Variants in PDE4B observed in about 807,000 individuals in gnomAD.
PDE4B encodes 3',5'-cyclic-AMP phosphodiesterase 4B.
PDE4B carries 20 observed loss-of-function variants against 82.2 expected under a neutral mutation model. That is an observed-to-expected ratio of 0.24 (90% CI 0.17 to 0.35). PDE4B has a LOEUF of 0.35. Among genes scored for constraint, PDE4B ranks in the 10% least tolerant of loss-of-function variants. The pLI, the probability that PDE4B is intolerant of heterozygous loss-of-function variation, is 1.00. For missense variants in PDE4B, 655 were observed against 907.2 expected, an observed-to-expected ratio of 0.72 and a Z score of 3.57; for synonymous variants, 320 against 318.9, an observed-to-expected ratio of 1.00 and a Z score of -0.04.
At chr1:65,999,441 G>C (rs1438871057) in intron 3 of PDE4B, among the ~76,000 whole-genome samples, 1 of 152,152 alleles carries the variant, frequency 6.6e-6, no homozygotes, top group Non-Finnish European at 1.5e-5. Context: ...AACTAAGCCT[G>C]TATTCACTTC....
At chr1:65,868,644 A>G (rs1646538732) in intron 1 of PDE4B, among the ~76,000 whole-genome samples, 1 of 152,194 alleles carries the variant, frequency 6.6e-6, no homozygotes, top group African/African-American at 2.4e-5. Flanking sequence ...AAGGGACTGT[A>G]TAGCAGGGGG....
intron 3 of PDE4B, among the ~76,000 whole-genome samples, chr1:65,989,233 G>T (rs1439619764): frequency 6.6e-6 from 1 of 152,134 alleles, no homozygotes; most frequent in Non-Finnish European, 1.5e-5. Flanking sequence ...GGGCACGGTG[G>T]CTTGCACCTG....
At chr1:66,009,743 A>G in intron 3 of PDE4B, among the ~76,000 whole-genome samples, 1 of 152,040 alleles carries the variant, frequency 6.6e-6, no homozygotes, top group East Asian at 1.9e-4. Flanking sequence ...ATCTAATTGG[A>G]GAAGACTTTT....
At chr1:65,961,001 A>C (rs1440738248) in intron 3 of PDE4B, among the ~76,000 whole-genome samples, 1 of 152,174 alleles carries the variant, frequency 6.6e-6, no homozygotes, top group African/African-American at 2.4e-5. Flanking sequence ...TAAAAAAATT[A>C]TTAGGGACCT....
chr1:65,876,166 C>T (rs1427551230), intron 1 of PDE4B, among the ~76,000 whole-genome samples: 1 of 152,008 alleles, frequency 6.6e-6, no homozygotes, highest in Non-Finnish European at 1.5e-5. Flanking sequence ...GCCTGAATCA[C>T]TTAATAATTA....
chr1:66,126,057 C>T (rs1015705646), intron 3 of PDE4B, among the ~76,000 whole-genome samples: 4 of 152,154 alleles, frequency 2.6e-5, no homozygotes, highest in South Asian at 4.1e-4. Context: ...CCACCCACCT[C>T]GGCCTCCCAA....
chr1:66,368,851 G>A lies in PDE4B; in HGVS notation c.1727G>A (p.Arg576Gln), dbSNP rs758612335. 35 of 1,612,962 alleles carry A rather than the reference G, an allele frequency of 2.2e-5. No homozygotes were observed. The highest frequency in any genetic ancestry group is 4.5e-5 in the East Asian group (2 of 44,860). The change falls in exon 16 of 17, where the codon CGG becomes CAG. Residue 576 changes from arginine to glutamine, a missense_variant. Arg to Gln is a conservative substitution (Grantham distance 43, BLOSUM62 1). Around this residue, in one of 3 missense-constraint regions of PDE4B, gnomAD observed 283 missense variants for 516.4 expected, o/e 0.55. Transcript: ENST00000341517. ...CCCACCAAGTCCTTGGAATTGTATC[G>A]GCAATGGACAGACCGCATCATGGAG... ...SNPTKSLELY[R>Q]QWTDRIMEEF...
intron 1 of PDE4B, among the ~76,000 whole-genome samples, chr1:65,885,610 A>G (rs1483484778): frequency 6.6e-6 from 1 of 151,920 alleles, no homozygotes; most frequent in Non-Finnish European, 1.5e-5. Flanking sequence ...CTATCACAAG[A>G]ACAAAAAACC....
intron 3 of PDE4B, among the ~76,000 whole-genome samples, chr1:66,119,067 A>T (rs1645656230): frequency 6.6e-6 from 1 of 152,138 alleles, no homozygotes; most frequent in South Asian, 2.1e-4. Context: ...AGCATTTACA[A>T]GGTTAAACAT....
At chr1:66,145,379 A>G (rs1052784588) in intron 3 of PDE4B, among the ~76,000 whole-genome samples, 1 of 152,198 alleles carries the variant, frequency 6.6e-6, no homozygotes, top group African/African-American at 2.4e-5. Context: ...CCTTGTAGAT[A>G]GTATAACTAG....
intron 3 of PDE4B, among the ~76,000 whole-genome samples, chr1:66,014,007 G>A (rs1652632445): frequency 6.6e-6 from 1 of 152,050 alleles, no homozygotes; most frequent in Non-Finnish European, 1.5e-5. Context: ...GTGTTAGATG[G>A]CACATCATCT....
intron 3 of PDE4B, among the ~76,000 whole-genome samples, chr1:66,188,687 G>T (rs1285428091): frequency 1.3e-5 from 2 of 151,424 alleles, no homozygotes; most frequent in East Asian, 1.9e-4. Context: ...CATTTGCTTG[G>T]TAGATCTTCC....
intron 2 of PDE4B, among the ~76,000 whole-genome samples, chr1:65,915,512 G>T (rs553110478): frequency 1.3e-5 from 2 of 152,204 alleles, no homozygotes; most frequent in South Asian, 4.2e-4. Context: ...TTAACCAAAA[G>T]AATTCAAAAA....
At chr1:66,274,144 T>G (rs1302704972) in intron 7 of PDE4B, among the ~76,000 whole-genome samples, 3 of 151,796 alleles carry the variant, frequency 2.0e-5, no homozygotes, top group Non-Finnish European at 2.9e-5. Context: ...GACTCACTTT[T>G]CTTGTCTGAA....
chr1:65,888,557 A>G (rs1646817449), intron 1 of PDE4B, among the ~76,000 whole-genome samples: 1 of 152,024 alleles, frequency 6.6e-6, no homozygotes, highest in Middle Eastern at 3.2e-3. Flanking sequence ...TATTTTGATG[A>G]TTTATTCTTT....
intron 1 of PDE4B, among the ~76,000 whole-genome samples, chr1:65,900,561 A>G (rs931064141): frequency 6.6e-6 from 1 of 152,092 alleles, no homozygotes; most frequent in Non-Finnish European, 1.5e-5. Flanking sequence ...GGGCATTTTA[A>G]TGATAGTGGT....
chr1:66,164,702 T>C (rs1646690373), intron 3 of PDE4B, among the ~76,000 whole-genome samples: 1 of 151,166 alleles, frequency 6.6e-6, no homozygotes, highest in Non-Finnish European at 1.5e-5. Flanking sequence ...ATGAGTTACT[T>C]TGAGCACGCT....
intron 3 of PDE4B, among the ~76,000 whole-genome samples, chr1:66,113,804 G>T (rs1343729487): frequency 6.6e-6 from 1 of 152,122 alleles, no homozygotes; most frequent in African/African-American, 2.4e-5. Flanking sequence ...AGAAAGAAAA[G>T]ACGTCATAAA....
chr1:66,020,373 G>A (rs557552819), intron 3 of PDE4B, among the ~76,000 whole-genome samples: 2 of 152,008 alleles, frequency 1.3e-5, no homozygotes, highest in African/African-American at 2.4e-5. Flanking sequence ...GTGCAGGTTT[G>A]TTACATATGT....
Sources: allele counts gnomAD v4.1 joint callset (sites outside exome capture counted in the v4.1 genomes callset), GRCh38; gene constraint gnomAD v4.1.1; regional missense constraint gnomAD v4.1.1; transcripts MANE v1.5; gene names NCBI Gene and HGNC (gene_info 2026-07-23, HGNC 2026-07-21).